KDM5B: variants seen among roughly 807,000 people sequenced by gnomAD.
The protein encoded by KDM5B is lysine demethylase 5B.
In KDM5B, 144 loss-of-function variants were observed where a neutral mutation model predicts 193.4. The ratio of observed to expected loss-of-function variants is 0.74; its 90% CI spans 0.65 to 0.86. The LOEUF is 0.86. KDM5B is among the 40% of genes least tolerant of loss of function. KDM5B has a pLI of 0.00. For synonymous variants in KDM5B, 668 were observed against 682.6 expected (o/e 0.98, Z 0.33); for missense variants, 1,833 against 1,886.9 (o/e 0.97, Z 0.53).
At chr1:202,739,861 C>T (rs1351228248) in intron 20 of KDM5B, among the ~76,000 whole-genome samples, 2 of 152,236 alleles carry the variant, frequency 1.3e-5, no homozygotes, top group African/African-American at 4.8e-5. Context: ...TGAAAAGTCT[C>T]CCATGTCTAC....
intron 1 of KDM5B, among the ~76,000 whole-genome samples, chr1:202,787,023 T>TC (rs948646553): frequency 3.9e-5 from 6 of 152,182 alleles, no homozygotes; most frequent in African/African-American, 1.4e-4. Flanking sequence ...CCCTTTTTTT[T>TC]CTTTTTCTTT....
At position 202,733,717 on chromosome 1, in the gene KDM5B, G is replaced by C; in HGVS notation, c.3593C>G (p.Ala1198Gly). Residue 1198 changes from alanine to glycine, a missense_variant, in exon 23 of 27, where the codon GCT becomes GGT. Ala to Gly is a moderately conservative substitution (Grantham distance 60). This residue lies in a region of KDM5B where 1,379 missense variants were observed against 1,349.6 expected (regional missense o/e 1.02). Transcript: ENST00000367265. ...TACCGCCACACAACTGGTGTGGAAA[G>C]CATCCCTGCAGAGTTCACATTGAAT... ...PMIQCELCRD[A>G]FHTSCVAVPS... 3 of 1,614,138 alleles carry C rather than the reference G, an allele frequency of 1.9e-6. No individual in the cohort carries two copies. The South Asian group carries it at 3.3e-5, about 18-fold the overall frequency.
chr1:202,748,139 A>C (rs1374645860), intron 14 of KDM5B, among the ~76,000 whole-genome samples: 1 of 152,216 alleles, frequency 6.6e-6, no homozygotes, highest in Non-Finnish European at 1.5e-5. Context: ...AAAGGTGCCA[A>C]AGCAATTTAA....
At chr1:202,740,962 C>T in intron 19 of KDM5B, 150 bp from the exon 20 acceptor site, 1 of 753,430 alleles carries the variant, frequency 1.3e-6, no homozygotes, top group Non-Finnish European at 2.1e-6. Flanking sequence ...AAATTATCTG[C>T]ACTGTTTTCT....
At chr1:202,752,870 A>C (rs776940523) in intron 12 of KDM5B, 35 bp downstream of exon 12, 3 of 1,578,970 alleles carry the variant, frequency 1.9e-6, no homozygotes, top group Non-Finnish European at 2.6e-6. Context: ...TGGTGAATTA[A>C]GCTTGAGTGG....
intron 1 of KDM5B, among the ~76,000 whole-genome samples, chr1:202,786,501 T>C (rs1405041449): frequency 1.3e-5 from 2 of 152,174 alleles, no homozygotes; most frequent in Non-Finnish European, 2.9e-5. Context: ...TAGGTATGGT[T>C]CCATGATAGC....
intron 9 of KDM5B, 36 bp downstream of exon 9, chr1:202,758,355 T>C: frequency 6.6e-7 from 1 of 1,525,436 alleles, no homozygotes; most frequent in Non-Finnish European, 8.9e-7. Context: ...CAAAAGCTAT[T>C]AAAATCCTAA....
At position 202,729,738 on chromosome 1, in the gene KDM5B, G is replaced by A; in HGVS notation, c.4466C>T (p.Ala1489Val). 6.2e-7 allele frequency: 1 copy of A among 1,614,048 alleles called. No individual in the cohort carries two copies. The highest frequency in any genetic ancestry group is 8.5e-7 in the Non-Finnish European group (1 of 1,179,944). Reference protein sequence around the residue: ...DSEDEDAICPAVSCLQPEGDE... With the variant: ...DSEDEDAICPVVSCLQPEGDE... Reference sequence around the variant, plus strand: ...TCCTTCTGGCTGCAGGCAGCTCACAGCTGGGCAGATGGCATCTTCATCCTC... The same window carrying A: ...TCCTTCTGGCTGCAGGCAGCTCACAACTGGGCAGATGGCATCTTCATCCTC... Residue 1489 changes from alanine (A) to valine (V), a missense_variant, in exon 26 of 27, where the codon GCT (alanine) becomes GTT (valine). Coordinates refer to ENST00000367265, the MANE Select transcript of KDM5B (RefSeq NM_006618.5).
In KDM5B at chr1:202,774,733, G is replaced by T. The variant is rs1345836667; in HGVS notation, c.285C>A (p.Ala95=). ...PRIQRLNELE[A]QTRVKLNFLD... is the part of the protein sequence containing the mutation. ...AGAAATTCAATTTTACACGAGTTTG[G>T]GCCTAAAAGACAAAGAATTGAGTTT... The change falls in exon 3 of 27, where the codon GCC becomes GCA. Residue 95 remains alanine (A), a splice_region_variant and synonymous_variant. Coordinates refer to ENST00000367265, the MANE Select transcript of KDM5B (RefSeq NM_006618.5). 3 of 1,611,946 alleles carry T rather than the reference G, an allele frequency of 1.9e-6. No individual in the cohort carries two copies. Among genetic ancestry groups the T allele is most frequent in the Non-Finnish European group, 2.5e-6 (3 of 1,179,004 alleles).
At chr1:202,756,884 T>G (rs1164507226) in intron 9 of KDM5B, among the ~76,000 whole-genome samples, 3 of 152,228 alleles carry the variant, frequency 2.0e-5, no homozygotes, top group African/African-American at 7.2e-5. Context: ...CAATGATGCT[T>G]TATACTTTGA....
In KDM5B at chr1:202,729,018, G is replaced by A. The variant is rs769374832; in HGVS notation, c.*18C>T. ...GTCCTGAATTACATTAAGTAGGGGG[G>A]TATCTGTTTTTGTGTTTTTACTTTC... On this transcript the variant is annotated 3_prime_UTR_variant, in exon 27 of 27. Transcript: ENST00000367265. The A allele has an allele frequency of 6.2e-7, 1 of 1,613,804 alleles. No individual in the cohort carries two copies. Among genetic ancestry groups the A allele is most frequent in the Non-Finnish European group, 8.5e-7 (1 of 1,179,790 alleles).
chr1:202,752,252 T>C (rs1655818014), intron 12 of KDM5B, among the ~76,000 whole-genome samples: 1 of 152,240 alleles, frequency 6.6e-6, no homozygotes. Context: ...TGGTGATCTG[T>C]AAGATTATAA....
Position 202,731,866 on chromosome 1 carries a change from G to T in KDM5B, c.3983C>A (p.Ser1328Tyr). ...ACAACTTCGTCCAGTTGAGAAGGGG[G>T]AGTGCAAATATGAGGTTCTGTTGTC... is the stretch of plus-strand genomic sequence containing the variant. Reference protein sequence around the residue: ...DWDNRTSYLHSPFSTGRSCIP... With the variant: ...DWDNRTSYLHYPFSTGRSCIP... Residue 1328 changes from serine (S) to tyrosine (Y), a missense_variant, in exon 24 of 27, where the codon TCC (serine) becomes TAC (tyrosine). Ser to Tyr is a moderately radical substitution (Grantham distance 144). Coordinates refer to ENST00000367265, the MANE Select transcript of KDM5B (RefSeq NM_006618.5). 1 of 1,613,632 alleles carries T rather than the reference G, an allele frequency of 6.2e-7. No individual in the cohort carries two copies. The highest frequency in any genetic ancestry group is 1.3e-5 in the African/African-American group (1 of 74,990).
chr1:202,732,010 G>A, intron 23 of KDM5B, 71 bp from the exon 24 acceptor site: 1 of 792,214 alleles, frequency 1.3e-6, no homozygotes, highest in Non-Finnish European at 1.9e-6. Context: ...TCCAATGACA[G>A]TAGCTTGCAT....
chr1:202,761,127 C>T (rs1359443634), intron 7 of KDM5B, among the ~76,000 whole-genome samples: 1 of 152,092 alleles, frequency 6.6e-6, no homozygotes. Flanking sequence ...ACAAAACTGT[C>T]TTAAAGTTAA....
At chr1:202,742,062 G>A (rs924381591) in intron 18 of KDM5B, among the ~76,000 whole-genome samples, 1 of 151,764 alleles carries the variant, frequency 6.6e-6, no homozygotes, top group Non-Finnish European at 1.5e-5. Context: ...TTTTAGTAGA[G>A]ATGGGGTTTC....
intron 1 of KDM5B, among the ~76,000 whole-genome samples, chr1:202,791,048 G>A (rs1012428763): frequency 2.0e-5 from 3 of 152,194 alleles, no homozygotes; most frequent in African/African-American, 7.2e-5. Context: ...ACATAGGCAT[G>A]CTCAATTTAG....
chr1:202,777,351 TAAAAAA>T (rs147335949), intron 1 of KDM5B, among the ~76,000 whole-genome samples: 4 of 128,674 alleles, frequency 3.1e-5, no homozygotes, highest in Admixed American at 7.7e-5. Context: ...ATTGAGCCTG[TAAAAAA>T]AAAAAAAAAA....
Position 202,735,557 on chromosome 1 carries a change from A to G in KDM5B, c.3295T>C (p.Leu1099=), listed in dbSNP as rs747400995. The change falls in exon 22 of 27, where the codon TTG becomes CTG. Residue 1099 remains leucine (L), a synonymous_variant. Transcript: ENST00000367265. ...VLCPRCDIGL[L]GLKRKQRKLK... is the part of the protein sequence containing the mutation. ...TTTCTCTGCTTCCTTTTCAATCCCA[A>G]AAGGCCAATATCACATCGAGGACAC... The G allele has an allele frequency of 6.2e-6, 10 of 1,613,950 alleles. No individual in the cohort carries two copies. The Admixed American group carries it at 1.7e-4, about 27-fold the overall frequency.
Sources: allele counts gnomAD v4.1 joint callset (sites outside exome capture counted in the v4.1 genomes callset), GRCh38; gene constraint gnomAD v4.1.1; regional missense constraint gnomAD v4.1.1; transcripts MANE v1.5; gene names NCBI Gene and HGNC (gene_info 2026-07-23, HGNC 2026-07-21).